The following CHP1 variants were observed in gnomAD, a reference collection of about 807,000 sequenced individuals.
CHP1 encodes the protein calcineurin like EF-hand protein 1.
A neutral mutation model predicts 27.4 loss-of-function variants in CHP1; 11 were observed. The ratio of observed to expected loss-of-function variants is 0.40; its 90% CI spans 0.25 to 0.67. The LOEUF (loss-of-function observed/expected upper bound fraction) is 0.67, where lower values mean the gene tolerates loss of function less well. Among genes scored for constraint, CHP1 ranks in the 30% least tolerant of loss-of-function variants. The pLI, the probability that CHP1 is intolerant of heterozygous loss-of-function variation, is 0.38. For missense variants in CHP1, 169 were observed against 251.3 expected (o/e 0.67, Z 2.22); for synonymous variants, 89 against 87.4 (o/e 1.02, Z -0.10).
At chr15:41,244,310 T>C (rs2047322590) in intron 2 of CHP1, among the ~76,000 whole-genome samples, 1 of 152,200 alleles carries the variant, frequency 6.6e-6, no homozygotes, top group South Asian at 2.1e-4. Context: ...TCTAGGAATG[T>C]ATTTTTAAGA....
intron 4 of CHP1, among the ~76,000 whole-genome samples, chr15:41,268,771 G>A (rs924660979): frequency 7.9e-5 from 12 of 151,954 alleles, no homozygotes; most frequent in African/African-American, 1.2e-4. Flanking sequence ...TGGCTAACAC[G>A]GTGAAACCCT....
At chr15:41,276,240 C>CAAA (rs11451377) in intron 5 of CHP1, among the ~76,000 whole-genome samples, 1 of 126,036 alleles carries the variant, frequency 7.9e-6, no homozygotes, top group African/African-American at 2.8e-5. Flanking sequence ...GACTCCATCT[C>CAAA]AAAAAAAAAA....
At chr15:41,256,388 A>C (rs370802606) in intron 2 of CHP1, among the ~76,000 whole-genome samples, 7 of 152,128 alleles carry the variant, frequency 4.6e-5, no homozygotes, top group Admixed American at 1.3e-4. Context: ...AAAAAGCCAG[A>C]GTCAGAACAA....
At chr15:41,245,908 A>G (rs1192937655) in intron 2 of CHP1, among the ~76,000 whole-genome samples, 1 of 152,160 alleles carries the variant, frequency 6.6e-6, no homozygotes, top group Non-Finnish European at 1.5e-5. Context: ...CTTATCCTAT[A>G]TCTTCTTGTA....
intron 2 of CHP1, among the ~76,000 whole-genome samples, chr15:41,249,252 T>C (rs2047351502): frequency 6.6e-6 from 1 of 152,102 alleles, no homozygotes; most frequent in Non-Finnish European, 1.5e-5. Flanking sequence ...CCATCACGGC[T>C]CACTGTAGCC....
intron 3 of CHP1, among the ~76,000 whole-genome samples, chr15:41,259,986 T>C (rs2047424221): frequency 6.6e-6 from 1 of 152,214 alleles, no homozygotes. Flanking sequence ...CGCCCCGGCC[T>C]CCCAGAGTGC....
intron 2 of CHP1, among the ~76,000 whole-genome samples, chr15:41,251,777 A>C (rs138087403): frequency 6.6e-6 from 1 of 151,662 alleles, no homozygotes; most frequent in African/African-American, 2.4e-5. Context: ...CCTGGTCCCA[A>C]AAAGGCTGGG....
intron 1 of CHP1, 41 bp downstream of exon 1, chr15:41,231,490 C>A: frequency 1.9e-6 from 3 of 1,569,046 alleles, no homozygotes; most frequent in Non-Finnish European, 2.6e-6. Context: ...GCGCCTCAGG[C>A]TGGCCTCACA....
At chr15:41,257,526 T>G (rs1160081702) in intron 3 of CHP1, among the ~76,000 whole-genome samples, 19 of 151,730 alleles carry the variant, frequency 1.3e-4, no homozygotes, top group Non-Finnish European at 5.9e-5. Flanking sequence ...TTTCCATATA[T>G]AATCAATATT....
rs377363423 is a variant in CHP1, at chr15:41,278,167, A to T, written c.412-600A>T. 5.3e-4 allele frequency among the ~76,000 whole-genome samples: 80 copies of T among 151,822 alleles called. No individual in the cohort carries two copies. In the East Asian group the frequency reaches 0.012, roughly 23 times the overall value. On this transcript the variant is annotated intron_variant, in intron 5 of 6. Coordinates refer to ENST00000334660, the MANE Select transcript of CHP1 (RefSeq NM_007236.5). ...CATGCTGAAACCCCATCTCTACTAAAAATACAAAAAATTAGCCTAGCCGGG... is the reference window on the plus strand; with the variant it reads ...CATGCTGAAACCCCATCTCTACTAATAATACAAAAAATTAGCCTAGCCGGG...
chr15:41,265,517 C>A (rs1399809737), intron 4 of CHP1, among the ~76,000 whole-genome samples: 1 of 151,314 alleles, frequency 6.6e-6, no homozygotes, highest in Non-Finnish European at 1.5e-5. Context: ...CAAGACCAGC[C>A]TGGCCAACAT....
chr15:41,281,332 T>C lies in CHP1; in HGVS notation c.*1943T>C, dbSNP rs1344967549. 1 of 152,668 alleles carries C rather than the reference T, an allele frequency of 6.6e-6. No homozygotes were observed. The highest frequency in any genetic ancestry group is 6.5e-5 in the Admixed American group (1 of 15,282). 9.5% of individuals were successfully genotyped at this position (152,668 alleles called of 1,614,324 possible). A position where few individuals can be genotyped will look rare whatever the true frequency, so the allele number is the denominator to read the frequency against. On this transcript the variant is annotated 3_prime_UTR_variant, in exon 7 of 7. Coordinates refer to ENST00000334660, the MANE Select transcript of CHP1 (RefSeq NM_007236.5). Reference sequence around the variant, plus strand: ...CCCTTAAAAACAAGAGGTCTGGCACTAGTAGCACAACCTAAGGTGGCATTA... The same window carrying C: ...CCCTTAAAAACAAGAGGTCTGGCACCAGTAGCACAACCTAAGGTGGCATTA...
rs796840652 is a variant in CHP1 at position 41,257,099 on chromosome 15, CT to C, written c.221+110del. ...GTGCCATCTCAGACTGTGATACCCC[CT>C]GATTATATTGAGCAATTCTAATTTT... On this transcript the variant is annotated intron_variant, in intron 3 of 6. Coordinates refer to ENST00000334660, the MANE Select transcript of CHP1 (RefSeq NM_007236.5). 15 of 639,446 alleles carry C rather than the reference CT, an allele frequency of 2.3e-5. No homozygotes were observed. In the African/African-American group the frequency reaches 3.3e-4, roughly 14 times the overall value. The allele number at this position is 639,446 out of a possible 1,614,324, so 39.6% of individuals were successfully genotyped here.
Position 41,279,873 on chromosome 15 carries a change from C to T in CHP1, c.*484C>T, listed in dbSNP as rs2047537164. 6.5e-6 allele frequency: 1 copy of T among 154,626 alleles called. No homozygotes were observed. The highest frequency in any genetic ancestry group is 2.0e-4 in the South Asian group (1 of 4,936). The allele number at this position is 154,626 out of a possible 1,614,324, so 9.6% of individuals were successfully genotyped here. On this transcript the variant is annotated 3_prime_UTR_variant, in exon 7 of 7. Transcript: ENST00000334660. ...TTACTCTGGCAGTCTTTCTGCTTTT[C>T]ATTAAGCCTCAAAATCTCCTCTGTT...
intron 2 of CHP1, among the ~76,000 whole-genome samples, chr15:41,255,496 A>C (rs1451228446): frequency 2.0e-5 from 3 of 151,764 alleles, no homozygotes; most frequent in Non-Finnish European, 4.4e-5. Flanking sequence ...AATGTGGTAA[A>C]ACCCCACCTC....
At chr15:41,265,840 C>A (rs147017616) in intron 4 of CHP1, among the ~76,000 whole-genome samples, 1 of 152,116 alleles carries the variant, frequency 6.6e-6, no homozygotes, top group Non-Finnish European at 1.5e-5. Context: ...TTCTAAGCCA[C>A]GGTGAGAGAA....
intron 2 of CHP1, among the ~76,000 whole-genome samples, chr15:41,248,373 A>G (rs2140928365): frequency 6.6e-6 from 1 of 152,234 alleles, no homozygotes; most frequent in African/African-American, 2.4e-5. Flanking sequence ...ATGTGGTACA[A>G]TGGAATAGTT....
chr15:41,241,054 T>C (rs2047304659), intron 1 of CHP1, among the ~76,000 whole-genome samples: 1 of 152,140 alleles, frequency 6.6e-6, no homozygotes, highest in Admixed American at 6.5e-5. Context: ...GGTTTCGCCA[T>C]GTTGGCCAGG....
intron 4 of CHP1, chr15:41,264,297 G>T: frequency 2.2e-6 from 2 of 929,066 alleles, no homozygotes; most frequent in Admixed American, 3.0e-5. Context: ...GTGCCGAGGA[G>T]ATTAGGCTAA....
Sources: gnomAD v4.1 joint callset for allele counts (sites outside exome capture counted in the v4.1 genomes callset) on GRCh38, gnomAD v4.1.1 for gene constraint, MANE v1.5 for transcripts, NCBI Gene and HGNC (gene_info 2026-07-23, HGNC 2026-07-21) for gene names.